The following DBT variants were observed in gnomAD, a reference collection of about 807,000 sequenced individuals.
DBT encodes dihydrolipoamide branched chain transacylase E2.
A neutral mutation model predicts 51.3 loss-of-function variants in DBT; 40 were observed. The ratio of observed to expected loss-of-function variants is 0.78; its 90% CI spans 0.61 to 1.02. The LOEUF (loss-of-function observed/expected upper bound fraction) is 1.02. Ranked by LOEUF, DBT falls within the 50% of genes least tolerant of loss-of-function variation. The pLI is 0.00. For missense variants in DBT, 510 were observed against 580.2 expected (o/e 0.88, Z 1.24); for synonymous variants, 181 against 190.4 (o/e 0.95, Z 0.41).
rs121965000 is a variant in DBT, at chr1:100,196,256, C to A, written c.1448G>T (p.Ter483LeuextTer7). The A allele has an allele frequency of 6.2e-7, 1 of 1,613,464 alleles. No individual in the cohort carries two copies. Among genetic ancestry groups the A allele is most frequent in the East Asian group, 2.2e-5 (1 of 44,870 alleles). The part of the protein sequence containing the change: ...NPAFMLLDLK[*>L] The stretch of plus-strand genomic sequence containing the variant: ...AGTTCAAGAATGTCTTATCAGTCTT[C>A]ATTTCAGATCTAGTAGCATAAAAGC... Residue 483 changes from the stop codon to leucine, a stop_lost, in exon 11 of 11, where the codon TGA becomes TTA. Coordinates refer to ENST00000370132, the MANE Select transcript of DBT (RefSeq NM_001918.5).
rs1315625069 is a variant in DBT, at chr1:100,196,436, A to G, written c.1282-14T>C. ...TCGGGGAATGGCCTAGAAATGAAAA[A>G]AAAAAAAAAAAAAAAAAAAAAAAGA... is the stretch of plus-strand genomic sequence containing the variant. On this transcript the variant is annotated splice_polypyrimidine_tract_variant and intron_variant, in intron 10 of 10. Coordinates refer to ENST00000370132, the MANE Select transcript of DBT (RefSeq NM_001918.5). The G allele has an allele frequency of 2.8e-4, 47 of 170,696 alleles. No homozygotes were observed. Among genetic ancestry groups the G allele is most frequent in the Non-Finnish European group, 4.0e-4 (39 of 97,418 alleles). 10.6% of individuals were successfully genotyped at this position (170,696 alleles called of 1,614,324 possible).
At chr1:100,220,060 A>T (rs1662760545) in intron 4 of DBT, among the ~76,000 whole-genome samples, 1 of 152,010 alleles carries the variant, frequency 6.6e-6, no homozygotes, top group African/African-American at 2.4e-5. Flanking sequence ...TGGGAGGATC[A>T]CTTGGGCCCA....
intron 4 of DBT, among the ~76,000 whole-genome samples, chr1:100,222,112 T>C (rs1430493580): frequency 6.6e-6 from 1 of 152,210 alleles, no homozygotes; most frequent in Admixed American, 6.5e-5. Context: ...AAACAGCGAA[T>C]TCAATCAATT....
At chr1:100,237,337 T>C (rs1663932541) in intron 2 of DBT, among the ~76,000 whole-genome samples, 1 of 152,112 alleles carries the variant, frequency 6.6e-6, no homozygotes, top group Non-Finnish European at 1.5e-5. Flanking sequence ...AATACAGCCA[T>C]ATTAGGGAGC....
chr1:100,229,771 G>A (rs1445259770), intron 4 of DBT, among the ~76,000 whole-genome samples: 1 of 152,144 alleles, frequency 6.6e-6, no homozygotes, highest in Non-Finnish European at 1.5e-5. Flanking sequence ...ATTCCTAGAT[G>A]ACAAAACTTT....
Position 100,210,773 on chromosome 1 carries a change from T to C in DBT, c.940-2A>G. On this transcript the variant is annotated splice_acceptor_variant, in intron 7 of 10. Coordinates refer to ENST00000370132, the MANE Select transcript of DBT (RefSeq NM_001918.5). LOFTEE classifies it high-confidence loss of function. ...CTGTAGTAATCCCAAGGAAGCAGCC[T>C]GTTTAACAGAAAAAGAATGCAATTT... is the stretch of plus-strand genomic sequence containing the variant. 1 of 1,613,582 alleles carries C rather than the reference T, an allele frequency of 6.2e-7. No homozygotes were observed. Among genetic ancestry groups the C allele is most frequent in the Non-Finnish European group, 8.5e-7 (1 of 1,179,566 alleles).
intron 4 of DBT, among the ~76,000 whole-genome samples, chr1:100,230,421 G>A (rs1199302722): frequency 3.3e-5 from 5 of 152,094 alleles, no homozygotes; most frequent in Admixed American, 6.5e-5. Context: ...CCACCTGAAT[G>A]TTTGAGTCAT....
intron 4 of DBT, among the ~76,000 whole-genome samples, chr1:100,223,120 T>A (rs962091917): frequency 6.6e-6 from 1 of 152,192 alleles, no homozygotes; most frequent in African/African-American, 2.4e-5. Context: ...TCATAACATG[T>A]CTTTGCATAA....
chr1:100,232,560 A>G (rs1294890383), intron 3 of DBT, among the ~76,000 whole-genome samples: 1 of 152,140 alleles, frequency 6.6e-6, no homozygotes, highest in African/African-American at 2.4e-5. Context: ...GTGCTTTATG[A>G]TGTTTAAAAA....
In DBT at chr1:100,188,240, A is replaced by G. The variant is rs551174188; in HGVS notation, c.*8015T>C. 2.6e-5 allele frequency: 4 copies of G among 152,224 alleles called. No individual in the cohort carries two copies. The highest frequency in any genetic ancestry group is 7.2e-5 in the African/African-American group (3 of 41,538). 9.4% of individuals were successfully genotyped at this position (152,224 alleles called of 1,614,324 possible). A position where few individuals can be genotyped will look rare whatever the true frequency, so the allele number is the denominator to read the frequency against. On this transcript the variant is annotated 3_prime_UTR_variant, in exon 11 of 11. Coordinates refer to ENST00000370132, the MANE Select transcript of DBT (RefSeq NM_001918.5). ...GTTTCAAACTGTTAGTCCTGTTCTG[A>G]TTTATATTCATCCCTGCCATTCCTA...
At chr1:100,220,471 G>A (rs1436848477) in intron 4 of DBT, among the ~76,000 whole-genome samples, 1 of 152,274 alleles carries the variant, frequency 6.6e-6, no homozygotes, top group African/African-American at 2.4e-5. Context: ...TACTGCAACC[G>A]TGATAAGATA....
rs121965003 is a variant in DBT at position 100,216,174 on chromosome 1, G to C, written c.581C>G (p.Ser194Ter). The C allele has an allele frequency of 2.5e-6, 4 of 1,613,498 alleles. No individual in the cohort carries two copies. Among genetic ancestry groups the C allele is most frequent in the Non-Finnish European group, 3.4e-6 (4 of 1,179,576 alleles). Residue 194 changes from serine (S) to a stop codon, truncating the protein, a stop_gained, in exon 6 of 11, where the codon TCA becomes TGA. Coordinates refer to ENST00000370132, the MANE Select transcript of DBT (RefSeq NM_001918.5). LOFTEE classifies it high-confidence loss of function. ...TTTAAGTATTCTGCCATCTTTTCCT[G>C]AGCCAACAACTTCACTCAGCTTAAT... is the stretch of plus-strand genomic sequence containing the variant. ...NNIKLSEVVG[S>*]GKDGRILKED...
chr1:100,187,700 A>ATTTTTTTTT lies in DBT; in HGVS notation c.*8546_*8554dup, dbSNP rs886044938. 8.1e-6 allele frequency: 1 copy of ATTTTTTTTT among 124,174 alleles called. No homozygotes were observed. The highest frequency in any genetic ancestry group is 1.7e-5 in the Non-Finnish European group (1 of 57,224). The allele number at this position is 124,174 out of a possible 1,614,324, so 7.7% of individuals were successfully genotyped here. On this transcript the variant is annotated 3_prime_UTR_variant, in exon 11 of 11. Transcript: ENST00000370132. ...CCACCAGGCCTGGCTAACTTTTTGTATTTTTTTTTTTTTTTTTGTAGAGAC... is the reference window on the plus strand; with the variant it reads ...CCACCAGGCCTGGCTAACTTTTTGTATTTTTTTTTTTTTTTTTTTTTTTTTTGTAGAGAC...
intron 10 of DBT, chr1:100,196,705 T>C (rs1000754710): frequency 6.8e-6 from 3 of 441,258 alleles, no homozygotes; most frequent in African/African-American, 4.0e-5. Flanking sequence ...AGATTTCAAA[T>C]ATTTAATAAT....
chr1:100,218,137 C>T (rs1424655129), intron 5 of DBT, among the ~76,000 whole-genome samples: 2 of 152,184 alleles, frequency 1.3e-5, no homozygotes, highest in Admixed American at 1.3e-4. Flanking sequence ...GTGGTTCTCC[C>T]TTGCACCCTC....
chr1:100,206,947 C>A (rs888001307), intron 8 of DBT, among the ~76,000 whole-genome samples: 5 of 151,938 alleles, frequency 3.3e-5, no homozygotes, highest in Admixed American at 3.3e-4. Context: ...AGCATGGTGG[C>A]ACAGGCCTGT....
intron 8 of DBT, among the ~76,000 whole-genome samples, chr1:100,208,687 C>T (rs953827911): frequency 7.3e-5 from 11 of 149,804 alleles, no homozygotes; most frequent in African/African-American, 2.7e-4. Flanking sequence ...CACTTGAGCC[C>T]AGGAGTTAGA....
At chr1:100,196,948 C>A (rs1041764733) in intron 10 of DBT, 3 of 211,310 alleles carry the variant, frequency 1.4e-5, no homozygotes, top group African/African-American at 2.3e-5. Flanking sequence ...GACACTGATG[C>A]GGCCAAGGTC....
At chr1:100,236,541 A>T (rs1371285096) in intron 2 of DBT, among the ~76,000 whole-genome samples, 2 of 152,220 alleles carry the variant, frequency 1.3e-5, no homozygotes, top group Non-Finnish European at 2.9e-5. Context: ...TTATGGAGGT[A>T]TTAGGTACCT....
Sources: allele counts gnomAD v4.1 joint callset (sites outside exome capture counted in the v4.1 genomes callset), GRCh38; gene constraint gnomAD v4.1.1; transcripts MANE v1.5; gene names NCBI Gene and HGNC (gene_info 2026-07-23, HGNC 2026-07-21).